AGTPBP1: variants seen among roughly 807,000 people sequenced by gnomAD.
The protein encoded by AGTPBP1 is cytosolic carboxypeptidase 1.
Under a neutral mutation model 143.9 loss-of-function variants are expected in AGTPBP1, and 70 were observed. The observed-to-expected ratio is 0.49, with a 90% CI of 0.40 to 0.59. The LOEUF (loss-of-function observed/expected upper bound fraction) is 0.59. Ranked by LOEUF, AGTPBP1 falls within the 20% of genes least tolerant of loss-of-function variation. AGTPBP1 has a pLI of 0.00. For synonymous variants in AGTPBP1, 463 were observed against 500.2 expected, an observed-to-expected ratio of 0.93 and a Z score of 0.99; for missense variants, 1,229 against 1,464.5, an observed-to-expected ratio of 0.84 and a Z score of 2.62.
chr9:85,721,368 T>C, intron 1 of AGTPBP1, among the ~76,000 whole-genome samples: 1 of 152,350 alleles, frequency 6.6e-6, no homozygotes, highest in East Asian at 1.9e-4. Context: ...CATATATATT[T>C]AGGATAGTTA....
intron 11 of AGTPBP1, among the ~76,000 whole-genome samples, chr9:85,652,496 G>A (rs769993639): frequency 3.9e-5 from 6 of 152,074 alleles, no homozygotes; most frequent in African/African-American, 1.2e-4. Context: ...TGAAGACAGA[G>A]TGAGACTTCA....
chr9:85,658,346 T>A (rs549921900), intron 9 of AGTPBP1, among the ~76,000 whole-genome samples: 1 of 152,182 alleles, frequency 6.6e-6, no homozygotes, highest in Non-Finnish European at 1.5e-5. Context: ...CTCAATTTTA[T>A]TGGAGTAGAA....
At chr9:85,639,112 C>T (rs1338191538) in intron 13 of AGTPBP1, among the ~76,000 whole-genome samples, 7 of 151,994 alleles carry the variant, frequency 4.6e-5, no homozygotes, top group African/African-American at 9.7e-5. Flanking sequence ...ACTGTGTCTT[C>T]TTATTCTACA....
rs574840705 is a variant in AGTPBP1 at position 85,631,937 on chromosome 9, T to A, written c.2015+725A>T. On this transcript the variant is annotated intron_variant, in intron 14 of 25. Transcript: ENST00000357081. ...AATCTTACTTGGCAATATTTAATAA[T>A]CTTATTGATGTTATGAATCCTGTAC... is the stretch of plus-strand genomic sequence containing the variant. 5.3e-5 allele frequency among the ~76,000 whole-genome samples: 8 copies of A among 152,316 alleles called. No homozygotes were observed. The South Asian group carries it at 1.7e-3, about 32-fold the overall frequency.
chr9:85,739,457 C>A (rs1824070847), intron 1 of AGTPBP1, among the ~76,000 whole-genome samples: 2 of 152,050 alleles, frequency 1.3e-5, no homozygotes, highest in African/African-American at 4.8e-5. Context: ...GCCTGTAATC[C>A]CAGGACTTTG....
At chr9:85,769,731 A>G in the AGTPBP1 span, among the ~76,000 whole-genome samples, 2 of 151,818 alleles carry the variant, frequency 1.3e-5, no homozygotes, top group African/African-American at 4.8e-5. Flanking sequence ...TTTTATTACT[A>G]GTTCTTAATA....
intron 24 of AGTPBP1, 77 bp from the exon 25 acceptor site, chr9:85,575,552 A>T (rs1212008695): frequency 3.3e-6 from 4 of 1,228,854 alleles, no homozygotes; most frequent in Non-Finnish European, 4.4e-6. Flanking sequence ...AATTATATAA[A>T]AAGAATTTAT....
chr9:85,765,524 A>G, the AGTPBP1 span, among the ~76,000 whole-genome samples: 29 of 152,116 alleles, frequency 1.9e-4, no homozygotes, highest in Non-Finnish European at 3.4e-4. Context: ...ATAGTTTTTT[A>G]AAACTATGTA....
At chr9:85,731,642 G>A (rs1008557894) in intron 1 of AGTPBP1, among the ~76,000 whole-genome samples, 24 of 151,992 alleles carry the variant, frequency 1.6e-4, no homozygotes, top group Admixed American at 1.5e-3. Context: ...TAGAGACCGG[G>A]TCTTGTCATA....
At chr9:85,559,946 G>A (rs1826596012) in intron 25 of AGTPBP1, among the ~76,000 whole-genome samples, 1 of 152,022 alleles carries the variant, frequency 6.6e-6, no homozygotes, top group Non-Finnish European at 1.5e-5. Flanking sequence ...CTTTTGTTTT[G>A]CAATAAATCT....
the AGTPBP1 span, among the ~76,000 whole-genome samples, chr9:85,767,285 A>T: frequency 6.8e-6 from 1 of 147,900 alleles, no homozygotes; most frequent in East Asian, 2.0e-4. Flanking sequence ...GGGTTCAAGC[A>T]ATTCTCCTGC....
In AGTPBP1 at chr9:85,619,073, A is replaced by C. The variant is rs1390648134; in HGVS notation, c.2245T>G (p.Phe749Val). The C allele has an allele frequency of 1.2e-6, 2 of 1,613,770 alleles. No homozygotes were observed. Among genetic ancestry groups the C allele is most frequent in the Non-Finnish European group, 1.7e-6 (2 of 1,179,814 alleles). The change falls in exon 17 of 26, where the codon TTT (phenylalanine) becomes GTT (valine). Residue 749 changes from phenylalanine (F) to valine (V), a missense_variant. Phe to Val is a conservative substitution (Grantham distance 50). Transcript: ENST00000357081. ...DINSNHYHQW[F>V]YFEVSGMRPG... ...CGCATTCCACTGACTTCAAAGTAAA[A>C]CCACTGATGATAATGATTGCTGTTT...
the AGTPBP1 span, chr9:85,756,272 T>C: frequency 1.3e-6 from 2 of 1,547,440 alleles, no homozygotes; most frequent in Non-Finnish European, 1.7e-6. Context: ...AATACACTAC[T>C]TGATTCTGGT....
intron 1 of AGTPBP1, among the ~76,000 whole-genome samples, chr9:85,739,009 G>A (rs1330123446): frequency 3.3e-5 from 5 of 152,072 alleles, no homozygotes; most frequent in Non-Finnish European, 2.9e-5. Flanking sequence ...AATATCTTAA[G>A]AGTATACACT....
At chr9:85,572,000 GTGTGTTTTTTTTTTTTTTTTTTT>G in intron 25 of AGTPBP1, among the ~76,000 whole-genome samples, 1 of 78,302 alleles carries the variant, frequency 1.3e-5, no homozygotes, top group African/African-American at 4.6e-5. Flanking sequence ...AGTTGTTTGT[GTGTGTTTTTTTTTTTTTTTTTTT>G]TTTTTTTTTT....
chr9:85,589,708 T>C (rs373378940), intron 19 of AGTPBP1, 27 bp from the exon 20 acceptor site: 20 of 1,582,006 alleles, frequency 1.3e-5, no homozygotes, highest in Non-Finnish European at 1.7e-5. Flanking sequence ...AAACAAAATA[T>C]ACAATCACTT....
At chr9:85,667,607 C>T (rs1834204089) in intron 8 of AGTPBP1, among the ~76,000 whole-genome samples, 1 of 152,072 alleles carries the variant, frequency 6.6e-6, no homozygotes, top group Admixed American at 6.6e-5. Flanking sequence ...GCCAGCTCCA[C>T]CTATGAAATA....
At chr9:85,741,403 T>C in intron 1 of AGTPBP1, 1 of 985,028 alleles carries the variant, frequency 1.0e-6, no homozygotes, top group Non-Finnish European at 1.2e-6. Flanking sequence ...GCCCCTCGGC[T>C]GGACTCCCCG....
chr9:85,792,587 A>C, the AGTPBP1 span, among the ~76,000 whole-genome samples: 1 of 152,250 alleles, frequency 6.6e-6, no homozygotes, highest in African/African-American at 2.4e-5. Context: ...TTAATAGAGT[A>C]CATTAAATGA....
Sources: allele counts gnomAD v4.1 joint callset (sites outside exome capture counted in the v4.1 genomes callset), GRCh38; gene constraint gnomAD v4.1.1; transcripts MANE v1.5; gene names NCBI Gene and HGNC (gene_info 2026-07-23, HGNC 2026-07-21).